The following CCT4 variants were observed in gnomAD, a reference collection of about 807,000 sequenced individuals.
CCT4 encodes the protein chaperonin containing TCP1 subunit 4, also known as T-complex protein 1 subunit delta.
A neutral mutation model predicts 62.5 loss-of-function variants in CCT4; 17 were observed. The ratio of observed to expected loss-of-function variants is 0.27; its 90% CI spans 0.19 to 0.41. CCT4 has a LOEUF of 0.41. CCT4 is among the 10% of genes least tolerant of loss of function. The probability of loss-of-function intolerance (pLI) is 1.00; values close to 1 mark genes in which losing one functional copy is unlikely to be tolerated. For missense variants in CCT4, 592 were observed against 659.2 expected, an observed-to-expected ratio of 0.90 and a Z score of 1.12; for synonymous variants, 250 against 229.9, an observed-to-expected ratio of 1.09 and a Z score of -0.79.
chr2:61,879,455 T>C (rs1669067275), intron 4 of CCT4, among the ~76,000 whole-genome samples: 2 of 149,352 alleles, frequency 1.3e-5, no homozygotes. Flanking sequence ...TTTTTTTTTT[T>C]TTGGTGGAGA....
intron 4 of CCT4, among the ~76,000 whole-genome samples, chr2:61,879,639 A>G (rs1669071917): frequency 6.6e-6 from 1 of 152,056 alleles, no homozygotes. Flanking sequence ...GATAGTCACT[A>G]CTATAATTAA....
intron 3 of CCT4, among the ~76,000 whole-genome samples, chr2:61,880,838 T>G (rs1669096414): frequency 6.6e-6 from 1 of 152,120 alleles, no homozygotes; most frequent in Non-Finnish European, 1.5e-5. Flanking sequence ...CCCGAGTAGC[T>G]GGGGCTATAG....
chr2:61,872,618 T>G, intron 10 of CCT4, 30 bp from the exon 11 acceptor site: 4 of 1,611,950 alleles, frequency 2.5e-6, no homozygotes, highest in Non-Finnish European at 3.4e-6. Flanking sequence ...AATTAAGTAT[T>G]TGAAGGGTCA....
intron 12 of CCT4, among the ~76,000 whole-genome samples, chr2:61,871,859 TAGTC>T (rs1463615662): frequency 3.3e-5 from 5 of 152,122 alleles, no homozygotes; most frequent in African/African-American, 7.3e-5. Flanking sequence ...TGCTAAAAGC[TAGTC>T]AGTAAGTGGC....
At chr2:61,888,294 G>T in intron 1 of CCT4, 87 bp downstream of exon 1, 1 of 1,464,298 alleles carries the variant, frequency 6.8e-7, no homozygotes, top group East Asian at 2.4e-5. Flanking sequence ...CCGAAGAAAT[G>T]GGAAATGAGC....
Position 61,883,497 on chromosome 2 carries a change from G to T in CCT4, c.232C>A (p.Leu78Met). Residue 78 changes from leucine (L) to methionine (M), a missense_variant, in exon 3 of 14, where the codon CTG becomes ATG. Leu to Met is a conservative substitution (Grantham distance 15). This residue lies in a region of CCT4 where 522 missense variants were observed against 571.2 expected (regional missense o/e 0.91). Transcript: ENST00000394440. ...GGATGTAATACTTGCATTTGTTTCA[G>T]AATGGTAGCACCATCATTTGTAATG... is the stretch of plus-strand genomic sequence containing the variant. ...VTITNDGATI[L>M]KQMQVLHPAA... 1 of 1,597,660 alleles carries T rather than the reference G, an allele frequency of 6.3e-7. No individual in the cohort carries two copies.
chr2:61,882,301 T>C (rs1669135789), intron 3 of CCT4, among the ~76,000 whole-genome samples: 1 of 152,196 alleles, frequency 6.6e-6, no homozygotes, highest in African/African-American at 2.4e-5. Context: ...ATGTTTTTAA[T>C]CTCCTTATTC....
In CCT4 at chr2:61,880,399, G is replaced by A; in HGVS notation, c.271-5C>T. ...AGCCTTAGACAGCTCCACCAGCTAAGTGAACAGAAAATGCCAAGTTGCTCA... is the reference window on the plus strand; with the variant it reads ...AGCCTTAGACAGCTCCACCAGCTAAATGAACAGAAAATGCCAAGTTGCTCA... On this transcript the variant is annotated splice_polypyrimidine_tract_variant and splice_region_variant and intron_variant, in intron 3 of 13. Transcript: ENST00000394440. 1 of 1,567,278 alleles carries A rather than the reference G, an allele frequency of 6.4e-7. No individual in the cohort carries two copies. Among genetic ancestry groups the A allele is most frequent in the Admixed American group, 1.8e-5 (1 of 55,478 alleles).
At chr2:61,883,659 T>TAAATTCTCTTCCCTTAC (rs1669166306) in intron 2 of CCT4, 111 bp from the exon 3 acceptor site, 1 of 643,192 alleles carries the variant, frequency 1.6e-6, no homozygotes, top group South Asian at 1.8e-5. Flanking sequence ...TACTTAATTT[T>TAAATTCTCTTCCCTTAC]AAATTCTCTT....
chr2:61,884,658 T>C (rs1669209325), intron 2 of CCT4, among the ~76,000 whole-genome samples: 2 of 151,958 alleles, frequency 1.3e-5, no homozygotes, highest in African/African-American at 4.8e-5. Context: ...GATAGAGTTT[T>C]GCTTTTATTG....
rs780353014 is a variant in CCT4, at chr2:61,878,905, A to C, written c.486T>G (p.Thr162=). 1 of 1,611,628 alleles carries C rather than the reference A, an allele frequency of 6.2e-7. No homozygotes were observed. The highest frequency in any genetic ancestry group is 8.5e-7 in the Non-Finnish European group (1 of 1,178,720). The part of the protein sequence containing the change: ...SRPVELSDRE[T]LLNSATTSLN... ...GTGAAGTGGTTGCACTATTTAACAA[A>C]GTTTCTCTGTCACTCAGTTCCACAG... is the stretch of plus-strand genomic sequence containing the variant. The change falls in exon 5 of 14, where the codon ACT becomes ACG. Residue 162 remains threonine (T), a synonymous_variant. Transcript: ENST00000394440.
chr2:61,882,380 T>C (rs1572924382), intron 3 of CCT4, among the ~76,000 whole-genome samples: 6 of 152,212 alleles, frequency 3.9e-5, no homozygotes, highest in Admixed American at 3.9e-4. Flanking sequence ...CTGTTTCCAG[T>C]AGATTATATT....
Position 61,877,418 on chromosome 2 carries a change from C to T in CCT4, c.619G>A (p.Asp207Asn), listed in dbSNP as rs189880501. 1 of 1,610,066 alleles carries T rather than the reference C, an allele frequency of 6.2e-7. No homozygotes were observed. Among genetic ancestry groups the T allele is most frequent in the Non-Finnish European group, 8.5e-7 (1 of 1,178,250 alleles). ...PATATSVDLR[D>N]IKIVKKLGGT... ...CCAAGCTTCTTAACTATTTTAATAT[C>T]TCTAAGATCTACACTGGTGGCTGTG... Residue 207 changes from aspartate to asparagine, a missense_variant, in exon 6 of 14, where the codon GAT becomes AAT. Physicochemically the swap from Asp to Asn is conservative, Grantham distance 23. Transcript: ENST00000394440.
At chr2:61,884,556 G>A (rs951080279) in intron 2 of CCT4, among the ~76,000 whole-genome samples, 9 of 151,546 alleles carry the variant, frequency 5.9e-5, no homozygotes, top group East Asian at 1.9e-4. Context: ...TGATCCACCC[G>A]TCTCGGCCTC....
chr2:61,878,791 T>C (rs955557746), intron 5 of CCT4, 78 bp downstream of exon 5: 3 of 919,282 alleles, frequency 3.3e-6, no homozygotes, highest in East Asian at 2.6e-5. Context: ...TTAGTATTTA[T>C]GTACCGTATA....
intron 12 of CCT4, among the ~76,000 whole-genome samples, chr2:61,870,539 C>T (rs755918891): frequency 7.2e-5 from 11 of 152,232 alleles, no homozygotes; most frequent in East Asian, 3.9e-4. Context: ...CCCTTTATCC[C>T]GGGATTACTC....
chr2:61,881,598 T>C (rs369845007), intron 3 of CCT4, among the ~76,000 whole-genome samples: 78 of 152,320 alleles, frequency 5.1e-4, no homozygotes, highest in African/African-American at 1.6e-3. Flanking sequence ...CTAAATATTT[T>C]TGAAGCAAAG....
chr2:61,876,315 T>A lies in CCT4; in HGVS notation c.778-81A>T. 2.8e-6 allele frequency: 3 copies of A among 1,074,410 alleles called. No individual in the cohort carries two copies. In the South Asian group the frequency reaches 5.1e-5, roughly 18 times the overall value. 66.6% of individuals were successfully genotyped at this position (1,074,410 alleles called of 1,614,324 possible). On this transcript the variant is annotated intron_variant, in intron 7 of 13. Coordinates refer to ENST00000394440, the MANE Select transcript of CCT4 (RefSeq NM_006430.4). ...TAGAATTTTAAGCGAAAATACTATG[T>A]GTTGTATAAATTCAACCAAAACTAT...
At chr2:61,872,641 AC>A in intron 10 of CCT4, 53 bp from the exon 11 acceptor site, 1 of 1,599,966 alleles carries the variant, frequency 6.3e-7, no homozygotes, top group Non-Finnish European at 8.5e-7. Flanking sequence ...AAAACCCCAC[AC>A]CCAGGCCGGG....
Sources: gnomAD v4.1 joint callset for allele counts (sites outside exome capture counted in the v4.1 genomes callset) on GRCh38, gnomAD v4.1.1 for gene constraint, gnomAD v4.1.1 regional missense constraint, MANE v1.5 for transcripts, NCBI Gene and HGNC (gene_info 2026-07-23, HGNC 2026-07-21) for gene names.